MPPED2: variants seen among roughly 807,000 people sequenced by gnomAD.
MPPED2 encodes metallophosphoesterase domain containing 2.
MPPED2 carries 5 observed loss-of-function variants against 33.0 expected under a neutral mutation model. That is an observed-to-expected ratio of 0.15 (90% CI 0.08 to 0.32). The LOEUF (loss-of-function observed/expected upper bound fraction) is 0.32. Ranked by LOEUF, MPPED2 falls within the 10% of genes least tolerant of loss-of-function variation. The pLI is 1.00. For synonymous variants in MPPED2, 136 were observed against 141.9 expected (o/e 0.96, Z 0.29); for missense variants, 275 against 372.1 (o/e 0.74, Z 2.15).
intron 4 of MPPED2, among the ~76,000 whole-genome samples, chr11:30,470,522 C>T (rs1950903580): frequency 1.3e-5 from 2 of 152,050 alleles, no homozygotes; most frequent in Admixed American, 6.6e-5. Context: ...CTAAAATTGA[C>T]CGTGGTAATG....
intron 4 of MPPED2, among the ~76,000 whole-genome samples, chr11:30,491,509 T>C (rs1951980282): frequency 6.6e-6 from 1 of 152,220 alleles, no homozygotes; most frequent in Non-Finnish European, 1.5e-5. Context: ...ACATCACTAT[T>C]AGTAGTAATA....
exon 7 of MPPED2, chr11:30,388,948 C>T: frequency 6.4e-7 from 1 of 1,562,614 alleles, no homozygotes; most frequent in Non-Finnish European, 8.7e-7. Context: ...GAGATGCTCA[C>T]AGGGTTTACT....
rs545175531 is a variant in MPPED2, at chr11:30,483,929, G to A, written c.536+11367C>T. Among the ~76,000 whole-genome samples the A allele has an allele frequency of 2.0e-5, 3 of 152,236 alleles. No homozygotes were observed. The South Asian group carries it at 6.2e-4, about 32-fold the overall frequency. ...TAATCACAGTTTATTAAACCAGGCA[G>A]CCATCAGAGGCACGTAGTTCTATAT... On this transcript the variant is annotated intron_variant, in intron 4 of 6. Coordinates refer to ENST00000358117, the MANE Select transcript of MPPED2 (RefSeq NM_001584.3).
chr11:30,489,411 A>C (rs1951877046), intron 4 of MPPED2, among the ~76,000 whole-genome samples: 8 of 152,262 alleles, frequency 5.3e-5, no homozygotes. Context: ...ATCAACTCCC[A>C]CTTTGAAAAA....
intron 6 of MPPED2, among the ~76,000 whole-genome samples, chr11:30,396,982 C>T (rs1947846759): frequency 6.6e-6 from 1 of 152,110 alleles, no homozygotes; most frequent in Non-Finnish European, 1.5e-5. Flanking sequence ...CTATATGTCA[C>T]CCCTAATTTT....
At chr11:30,503,053 G>T (rs929483046) in intron 3 of MPPED2, among the ~76,000 whole-genome samples, 18 of 152,106 alleles carry the variant, frequency 1.2e-4, no homozygotes, top group Non-Finnish European at 1.5e-5. Context: ...ATCTTGAATT[G>T]TAGCTCCTGT....
rs750154727 is a variant in MPPED2 at position 30,410,418 on chromosome 11, C to T, written c.*1050G>A. The stretch of plus-strand genomic sequence containing the variant: ...TATTTTGTGCTAGCGAAGATTGCAT[C>T]GACACACAGTGCAAAATGGGAGAGG... On this transcript the variant is annotated 3_prime_UTR_variant, in exon 7 of 7. Transcript: ENST00000358117. 136 of 985,210 alleles carry T rather than the reference C, an allele frequency of 1.4e-4. No individual in the cohort carries two copies. Among genetic ancestry groups the T allele is most frequent in the Non-Finnish European group, 1.6e-4 (131 of 829,746 alleles). The allele number at this position is 985,210 out of a possible 1,614,324, so 61.0% of individuals were successfully genotyped here.
At chr11:30,419,840 C>T (rs1421564985) in intron 4 of MPPED2, among the ~76,000 whole-genome samples, 1 of 152,038 alleles carries the variant, frequency 6.6e-6, no homozygotes, top group Non-Finnish European at 1.5e-5. Context: ...CACAAAGAAA[C>T]CCAAGACAAA....
At chr11:30,413,075 C>T (rs1487447859) in intron 6 of MPPED2, among the ~76,000 whole-genome samples, 4 of 152,116 alleles carry the variant, frequency 2.6e-5, no homozygotes, top group African/African-American at 7.3e-5. Context: ...TATCCACTCT[C>T]TGGGAGCTGC....
At chr11:30,490,657 A>G (rs1481458766) in intron 4 of MPPED2, among the ~76,000 whole-genome samples, 1 of 152,120 alleles carries the variant, frequency 6.6e-6, no homozygotes, top group Non-Finnish European at 1.5e-5. Flanking sequence ...TAAGTACTAC[A>G]GAACATTACG....
At chr11:30,401,321 T>A (rs951500151) in intron 6 of MPPED2, among the ~76,000 whole-genome samples, 1 of 152,198 alleles carries the variant, frequency 6.6e-6, no homozygotes, top group Non-Finnish European at 1.5e-5. Context: ...GGGTTCTCTC[T>A]TTGGCCTAAC....
At chr11:30,538,907 G>A (rs1445194464) in intron 2 of MPPED2, among the ~76,000 whole-genome samples, 1 of 152,166 alleles carries the variant, frequency 6.6e-6, no homozygotes, top group African/African-American at 2.4e-5. Context: ...ATAGGAATAA[G>A]TACAAAGCAA....
intron 2 of MPPED2, among the ~76,000 whole-genome samples, chr11:30,547,715 CA>C (rs1470831428): frequency 2.6e-5 from 4 of 152,176 alleles, no homozygotes; most frequent in Non-Finnish European, 4.4e-5. Context: ...TTAATTTCAG[CA>C]TTTTTTTATT....
downstream of MPPED2, chr11:30,409,921 C>T (rs966988364): frequency 2.1e-5 from 5 of 236,194 alleles, no homozygotes; most frequent in Non-Finnish European, 3.4e-5. Flanking sequence ...ACAAACTTGC[C>T]CAAAATAAAT....
intron 4 of MPPED2, among the ~76,000 whole-genome samples, chr11:30,478,333 G>T (rs1951317139): frequency 1.3e-5 from 2 of 151,982 alleles, no homozygotes; most frequent in Non-Finnish European, 2.9e-5. Flanking sequence ...GTTTAGATGT[G>T]TGTATTATAA....
chr11:30,417,588 C>G lies in MPPED2; in HGVS notation c.582G>C (p.Gln194His), dbSNP rs1343628593. 6.2e-7 allele frequency: 1 copy of G among 1,613,454 alleles called. No individual in the cohort carries two copies. Among genetic ancestry groups the G allele is most frequent in the African/African-American group, 1.3e-5 (1 of 74,962 alleles). Residue 194 changes from glutamine (Q) to histidine (H), a missense_variant, in exon 5 of 7, where the codon CAG (glutamine) becomes CAC (histidine). By Grantham distance (24) the Gln-to-His change is conservative. Transcript: ENST00000358117. ...TGAGGTTCCACTTGTCCAGCAGAGA[C>G]TGACCTCTGGGTAGGTTAAAGCCCC... ...NGWGFNLPRG[Q>H]SLLDKWNLIP... is the part of the protein sequence containing the mutation.
chr11:30,442,972 G>A (rs1163347819), intron 4 of MPPED2, among the ~76,000 whole-genome samples: 4 of 151,994 alleles, frequency 2.6e-5, no homozygotes, highest in East Asian at 3.9e-4. Flanking sequence ...CAGCCTGGTC[G>A]ACAGCAAAAT....
chr11:30,438,447 G>A (rs1369492171), intron 4 of MPPED2, among the ~76,000 whole-genome samples: 1 of 152,082 alleles, frequency 6.6e-6, no homozygotes, highest in Non-Finnish European at 1.5e-5. Flanking sequence ...AAGTGGCTGA[G>A]CTAGGTTTTG....
At chr11:30,414,204 T>C in intron 6 of MPPED2, 24 bp downstream of exon 6, 2 of 1,540,340 alleles carry the variant, frequency 1.3e-6, no homozygotes, top group African/African-American at 1.4e-5. Flanking sequence ...CAAAATGTTT[T>C]GAATTCTTTT....
Sources: gnomAD v4.1 joint callset for allele counts (sites outside exome capture counted in the v4.1 genomes callset) on GRCh38, gnomAD v4.1.1 for gene constraint, MANE v1.5 for transcripts, NCBI Gene and HGNC (gene_info 2026-07-23, HGNC 2026-07-21) for gene names.